The following TMEM178A variants were observed in gnomAD, a reference collection of about 807,000 sequenced individuals.
The protein encoded by TMEM178A is transmembrane protein 178A.
Under a neutral mutation model 29.1 loss-of-function variants are expected in TMEM178A, and 12 were observed. The ratio of observed to expected loss-of-function variants is 0.41; its 90% confidence interval spans 0.26 to 0.67. The LOEUF is 0.67. Among genes scored for constraint, TMEM178A ranks in the 30% least tolerant of loss-of-function variants. The pLI is 0.29. For synonymous variants in TMEM178A, 210 were observed against 187.2 expected (o/e 1.12, Z -0.99); for missense variants, 366 against 419.1 (o/e 0.87, Z 1.11).
At chr2:39,714,354 C>CAA (rs57835524) in intron 3 of TMEM178A, among the ~76,000 whole-genome samples, 2 of 147,590 alleles carry the variant, frequency 1.4e-5, no homozygotes, top group African/African-American at 5.0e-5. Flanking sequence ...TGCCCTGTTC[C>CAA]AAAAAAAAAA....
chr2:39,674,004 C>T (rs1200158046), intron 1 of TMEM178A, among the ~76,000 whole-genome samples: 2 of 152,128 alleles, frequency 1.3e-5, no homozygotes, highest in Non-Finnish European at 2.9e-5. Flanking sequence ...TGCTGGTTAA[C>T]TTGAGTTTTA....
chr2:39,730,929 C>T, the TMEM178A span, among the ~76,000 whole-genome samples: 52 of 152,284 alleles, frequency 3.4e-4, no homozygotes, highest in Non-Finnish European at 2.9e-4. Flanking sequence ...CACAGAGTAT[C>T]CTGTATGGAG....
chr2:39,706,920 G>C, intron 2 of TMEM178A, 129 bp from the exon 3 acceptor site: 1 of 1,076,634 alleles, frequency 9.3e-7, no homozygotes, highest in Non-Finnish European at 1.3e-6. Context: ...ATGCCTCCTT[G>C]TCCTGTGGGC....
Position 39,717,362 on chromosome 2 carries a change from G to C in TMEM178A, c.*111G>C, listed in dbSNP as rs775561657. 7.0e-7 allele frequency: 1 copy of C among 1,430,552 alleles called. No homozygotes were observed. The highest frequency in any genetic ancestry group is 9.3e-7 in the Non-Finnish European group (1 of 1,074,930). 88.6% of individuals were successfully genotyped at this position (1,430,552 alleles called of 1,614,324 possible). A position where few individuals can be genotyped will look rare whatever the true frequency, so the allele number is the denominator to read the frequency against. On this transcript the variant is annotated 3_prime_UTR_variant, in exon 4 of 4. Coordinates refer to ENST00000281961, the MANE Select transcript of TMEM178A (RefSeq NM_152390.3). ...TTACATTCCAACCTGTTGCCTGCCAGCCCTTTCTGGATTACTGATAGAAAA... is the reference window on the plus strand; with the variant it reads ...TTACATTCCAACCTGTTGCCTGCCACCCCTTTCTGGATTACTGATAGAAAA...
chr2:39,704,053 G>A lies in TMEM178A; in HGVS notation c.401-28G>A, dbSNP rs758451246. 5.0e-6 allele frequency: 8 copies of A among 1,598,168 alleles called. No individual in the cohort carries two copies. In the South Asian group the frequency reaches 7.7e-5, roughly 15 times the overall value. On this transcript the variant is annotated intron_variant, in intron 1 of 3. Coordinates refer to ENST00000281961, the MANE Select transcript of TMEM178A (RefSeq NM_152390.3). ...AATTCTGTTACAAATAAGCAGACTC[G>A]TAAATCGCGTTTCTTATTTCCTTCA... is the stretch of plus-strand genomic sequence containing the variant.
the TMEM178A span, among the ~76,000 whole-genome samples, chr2:39,732,487 T>C: frequency 9.9e-5 from 15 of 152,180 alleles, no homozygotes; most frequent in Non-Finnish European, 1.8e-4. Context: ...CATGCGACTT[T>C]TGGCTTGGCG....
chr2:39,723,427 A>G, the TMEM178A span, among the ~76,000 whole-genome samples: 2 of 152,222 alleles, frequency 1.3e-5, no homozygotes, highest in Non-Finnish European at 2.9e-5. Flanking sequence ...ATAGATATAT[A>G]AGTAAATAAA....
intron 1 of TMEM178A, among the ~76,000 whole-genome samples, chr2:39,697,536 T>C (rs1319277660): frequency 1.3e-5 from 2 of 152,182 alleles, no homozygotes; most frequent in African/African-American, 4.8e-5. Flanking sequence ...GCTGTGGAGC[T>C]CTGGGCTTGC....
rs1672590955 is a variant in TMEM178A, at chr2:39,717,318, C to G, written c.*67C>G. ...GGGGAACAGCGCGGAGTTCAGGAGT[C>G]CAAGCACAAAGCGGTCTTTTACATT... On this transcript the variant is annotated 3_prime_UTR_variant, in exon 4 of 4. Transcript: ENST00000281961. 1.5e-5 allele frequency: 23 copies of G among 1,542,548 alleles called. No homozygotes were observed. Among genetic ancestry groups the G allele is most frequent in the Non-Finnish European group, 2.0e-5 (23 of 1,144,282 alleles).
chr2:39,731,320 T>G, the TMEM178A span, among the ~76,000 whole-genome samples: 1 of 152,198 alleles, frequency 6.6e-6, no homozygotes, highest in South Asian at 2.1e-4. Flanking sequence ...TACTTGAGAC[T>G]GGGTAGTTGA....
chr2:39,735,649 C>T, the TMEM178A span, among the ~76,000 whole-genome samples: 18 of 152,190 alleles, frequency 1.2e-4, no homozygotes, highest in African/African-American at 4.3e-4. Flanking sequence ...TTATCAGAGT[C>T]CCAGCTGTTA....
intron 1 of TMEM178A, among the ~76,000 whole-genome samples, chr2:39,700,421 A>G (rs893823280): frequency 1.3e-5 from 2 of 152,076 alleles, no homozygotes; most frequent in African/African-American, 4.8e-5. Context: ...TCATTATAAA[A>G]TATCTTTTTT....
Position 39,717,429 on chromosome 2 carries a change from T to A in TMEM178A, c.*178T>A. ...AACCTTTCTAAGGACAAGACTACTG[T>A]GGATTCAAGTGCTTTAATGACTATT... is the stretch of plus-strand genomic sequence containing the variant. On this transcript the variant is annotated 3_prime_UTR_variant, in exon 4 of 4. Transcript: ENST00000281961. The A allele has an allele frequency of 1.2e-6, 1 of 824,214 alleles. No individual in the cohort carries two copies. Among genetic ancestry groups the A allele is most frequent in the African/African-American group, 1.7e-5 (1 of 58,300 alleles). The allele number at this position is 824,214 out of a possible 1,614,324, so 51.1% of individuals were successfully genotyped here.
chr2:39,680,830 T>A (rs1322423698), intron 1 of TMEM178A, among the ~76,000 whole-genome samples: 2 of 152,218 alleles, frequency 1.3e-5, no homozygotes, highest in African/African-American at 4.8e-5. Context: ...ATACTCATAA[T>A]TCATGTGAAG....
intron 1 of TMEM178A, among the ~76,000 whole-genome samples, chr2:39,694,161 G>GTAA (rs66983117): frequency 0.061 from 8,893 of 146,652 alleles, 288 homozygotes; most frequent in Middle Eastern, 0.12. Context: ...AGTAGTAGTA[G>GTAA]TAATAATAAT....
intron 1 of TMEM178A, among the ~76,000 whole-genome samples, chr2:39,674,726 A>G (rs898868851): frequency 2.0e-5 from 3 of 152,240 alleles, no homozygotes; most frequent in Non-Finnish European, 4.4e-5. Context: ...ACAAACAAAA[A>G]AGACACAAAG....
At chr2:39,725,518 G>T in the TMEM178A span, among the ~76,000 whole-genome samples, 1,294 of 152,264 alleles carry the variant, frequency 8.5e-3, 18 homozygotes, top group African/African-American at 0.029. Context: ...TGGAATGCAT[G>T]GATTTGGTCA....
At chr2:39,720,080 G>A (rs1672672607), downstream of TMEM178A, among the ~76,000 whole-genome samples, 1 of 152,162 alleles carries the variant, frequency 6.6e-6, no homozygotes. Flanking sequence ...TGTTTTGTAA[G>A]TCCAGGGTTA....
downstream of TMEM178A, among the ~76,000 whole-genome samples, chr2:39,720,409 C>T (rs907498117): frequency 1.3e-5 from 2 of 152,166 alleles, no homozygotes; most frequent in Admixed American, 1.3e-4. Context: ...ACTCACACTG[C>T]CTAGGCAACC....
Sources: gnomAD v4.1 joint callset for allele counts (sites outside exome capture counted in the v4.1 genomes callset) on GRCh38, gnomAD v4.1.1 for gene constraint, MANE v1.5 for transcripts, NCBI Gene and HGNC (gene_info 2026-07-23, HGNC 2026-07-21) for gene names.